The following ERICH1 variants were observed in gnomAD, a reference collection of about 807,000 sequenced individuals.
The protein encoded by ERICH1 is glutamate-rich protein 1.
A neutral mutation model predicts 39.6 loss-of-function variants in ERICH1; 56 were observed. The ratio of observed to expected loss-of-function variants is 1.41; its 90% CI spans 1.14 to 1.77. The LOEUF (loss-of-function observed/expected upper bound fraction) is 1.77. ERICH1 is among the 40% of genes most tolerant of loss of function. The pLI is 0.00. For synonymous variants in ERICH1, 313 were observed against 223.6 expected (o/e 1.40, Z -3.57); for missense variants, 826 against 575.4 (o/e 1.44, Z -4.45).
At chr8:653,172 C>G (rs1247252502) in intron 3 of ERICH1, among the ~76,000 whole-genome samples, 1 of 152,168 alleles carries the variant, frequency 6.6e-6, no homozygotes, top group African/African-American at 2.4e-5. Flanking sequence ...TAACATTATT[C>G]TAACAGCCAA....
At chr8:687,975 G>T (rs983157704) in intron 3 of ERICH1, among the ~76,000 whole-genome samples, 5 of 152,162 alleles carry the variant, frequency 3.3e-5, no homozygotes, top group Non-Finnish European at 7.4e-5. Context: ...AAGGCGCCGA[G>T]AGACCTGCCC....
At chr8:690,177 T>C (rs1184827062) in intron 3 of ERICH1, among the ~76,000 whole-genome samples, 2 of 152,098 alleles carry the variant, frequency 1.3e-5, no homozygotes, top group Non-Finnish European at 2.9e-5. Flanking sequence ...TCCAACACAA[T>C]GCCATTCAAG....
intron 2 of ERICH1, among the ~76,000 whole-genome samples, chr8:699,851 G>GCACACGCGCACAGACCCA (rs1811395391): frequency 1.0e-5 from 1 of 96,116 alleles, no homozygotes; most frequent in East Asian, 4.1e-4. Flanking sequence ...GCACAGACCC[G>GCACACGCGCACAGACCCA]CACACGCGCA....
chr8:731,026 G>A (rs1194038689), intron 1 of ERICH1, 114 bp downstream of exon 1: 1 of 1,258,596 alleles, frequency 7.9e-7, no homozygotes, highest in African/African-American at 1.6e-5. Context: ...AGTCGGTCTG[G>A]GTTTGGGGTG....
At chr8:694,859 C>T (rs1809771328) in intron 2 of ERICH1, among the ~76,000 whole-genome samples, 1 of 152,144 alleles carries the variant, frequency 6.6e-6, no homozygotes, top group Middle Eastern at 3.2e-3. Flanking sequence ...GCGAGAGTTC[C>T]CCGTCCCATC....
At chr8:679,697 A>G (rs539336411) in intron 3 of ERICH1, among the ~76,000 whole-genome samples, 92 of 152,382 alleles carry the variant, frequency 6.0e-4, no homozygotes, top group Middle Eastern at 3.4e-3. Context: ...AGGCAAGGTC[A>G]TAAGTCATGT....
rs776298548 is a variant in ERICH1, at chr8:673,775, C to T, written c.577G>A (p.Glu193Lys). Reference sequence around the variant, plus strand: ...CCTTCCCCTTCATTGCTGCTGTCCTCGGGCTGGTACATGAAACTGACACCA... The same window carrying T: ...CCTTCCCCTTCATTGCTGCTGTCCTTGGGCTGGTACATGAAACTGACACCA... Reference protein sequence around the residue: ...AAGVSFMYQPEDSSNEGEGVG... With the variant: ...AAGVSFMYQPKDSSNEGEGVG... Residue 193 changes from glutamate (E) to lysine (K), a missense_variant, in exon 4 of 6, where the codon GAG becomes AAG. Coordinates refer to ENST00000262109, the MANE Select transcript of ERICH1 (RefSeq NM_207332.3). The T allele has an allele frequency of 6.8e-6, 11 of 1,614,096 alleles. No individual in the cohort carries two copies. The highest frequency in any genetic ancestry group is 4.4e-5 in the South Asian group (4 of 91,088).
At chr8:708,681 G>GTTTTTTGTTTTTTGTTTTTTTTTTT in intron 2 of ERICH1, among the ~76,000 whole-genome samples, 1 of 65,818 alleles carries the variant, frequency 1.5e-5, no homozygotes, top group Non-Finnish European at 3.0e-5. Flanking sequence ...GGGATAATGA[G>GTTTTTTGTTTTTTGTTTTTTTTTTT]TTTTTTTTTT....
intron 2 of ERICH1, among the ~76,000 whole-genome samples, chr8:708,980 C>G (rs1478507918): frequency 6.6e-6 from 1 of 152,020 alleles, no homozygotes; most frequent in African/African-American, 2.4e-5. Flanking sequence ...CAGGGTGAGC[C>G]ACTTTGCCCG....
chr8:698,931 C>T (rs1811023390), intron 2 of ERICH1, among the ~76,000 whole-genome samples: 1 of 147,128 alleles, frequency 6.8e-6, no homozygotes, highest in Admixed American at 6.8e-5. Context: ...CAGGGAGGCT[C>T]TCCAGGATCA....
At position 664,540 on chromosome 8, in the gene ERICH1, T is replaced by C; in HGVS notation, c.*63A>G. 5.7e-6 allele frequency: 9 copies of C among 1,565,348 alleles called. No individual in the cohort carries two copies. The highest frequency in any genetic ancestry group is 7.8e-6 in the Non-Finnish European group (9 of 1,157,420). ...TCCCAGAGAACTAACTCTAAGCCCA[T>C]CTCACATTTGTCTTTTAAGTTTTTT... On this transcript the variant is annotated 3_prime_UTR_variant, in exon 6 of 6. Transcript: ENST00000262109.
At chr8:712,420 GTGTTT>G (rs138743061) in intron 2 of ERICH1, among the ~76,000 whole-genome samples, 35,019 of 151,584 alleles carry the variant, frequency 0.23, 5,178 homozygotes, top group Non-Finnish European at 0.33. Flanking sequence ...AAATGATACC[GTGTTT>G]TGTTTTGTTT....
chr8:704,906 A>G (rs981121141), intron 2 of ERICH1, among the ~76,000 whole-genome samples: 4 of 152,332 alleles, frequency 2.6e-5, no homozygotes, highest in Admixed American at 6.5e-5. Context: ...TTTTAATAAT[A>G]ATTCCTGAGA....
intron 3 of ERICH1, among the ~76,000 whole-genome samples, chr8:631,552 T>A (rs1798040279): frequency 6.6e-6 from 1 of 152,114 alleles, no homozygotes; most frequent in Non-Finnish European, 1.5e-5. Context: ...CCTGGGTGTG[T>A]CCTGAGAATT....
chr8:685,405 C>T (rs1007610506), intron 3 of ERICH1, among the ~76,000 whole-genome samples: 5 of 152,260 alleles, frequency 3.3e-5, no homozygotes, highest in East Asian at 3.9e-4. Context: ...ACATGCTTTA[C>T]GAACAATTTG....
intron 1 of ERICH1, among the ~76,000 whole-genome samples, chr8:719,865 T>C (rs568993238): frequency 4.6e-5 from 7 of 152,320 alleles, no homozygotes; most frequent in African/African-American, 1.4e-4. Context: ...GTCCCAGCAC[T>C]GGCCACAGGG....
chr8:650,527 C>T (rs574842019), intron 3 of ERICH1, among the ~76,000 whole-genome samples: 1 of 152,308 alleles, frequency 6.6e-6, no homozygotes, highest in African/African-American at 2.4e-5. Flanking sequence ...GCAGCAGCCG[C>T]CCCGGTGGCT....
chr8:689,030 T>C (rs1808313909), intron 3 of ERICH1, among the ~76,000 whole-genome samples: 1 of 152,204 alleles, frequency 6.6e-6, no homozygotes, highest in African/African-American at 2.4e-5. Flanking sequence ...CAATAAAAGA[T>C]GAATATGAAA....
At chr8:627,256 G>A (rs1380090611) in intron 3 of ERICH1, 2 of 456,048 alleles carry the variant, frequency 4.4e-6, no homozygotes, top group East Asian at 7.0e-5. Context: ...TTGGAGATAA[G>A]AACACTTACC....
Sources: gnomAD v4.1 joint callset for allele counts (sites outside exome capture counted in the v4.1 genomes callset) on GRCh38, gnomAD v4.1.1 for gene constraint, MANE v1.5 for transcripts, NCBI Gene and HGNC (gene_info 2026-07-23, HGNC 2026-07-21) for gene names.